The following SLC5A6 variants were observed in gnomAD, a reference collection of about 807,000 sequenced individuals.
SLC5A6 encodes the protein sodium-dependent multivitamin transporter.
A neutral mutation model predicts 67.9 loss-of-function variants in SLC5A6; 31 were observed. The observed-to-expected ratio is 0.46, with a 90% CI of 0.34 to 0.62. The LOEUF (loss-of-function observed/expected upper bound fraction) is 0.62, where lower values mean the gene tolerates loss of function less well. Among genes scored for constraint, SLC5A6 ranks in the 20% least tolerant of loss-of-function variants. The pLI, the probability that SLC5A6 is intolerant of heterozygous loss-of-function variation, is 0.01. For missense variants in SLC5A6, 673 were observed against 812.8 expected, an observed-to-expected ratio of 0.83 and a Z score of 2.09; for synonymous variants, 343 against 331.0, an observed-to-expected ratio of 1.04 and a Z score of -0.39.
In SLC5A6 at chr2:27,204,480, G is replaced by T; in HGVS notation, c.986C>A (p.Ala329Asp). 6.2e-7 allele frequency: 1 copy of T among 1,613,752 alleles called. No homozygotes were observed. Among genetic ancestry groups the T allele is most frequent in the Non-Finnish European group, 8.5e-7 (1 of 1,179,784 alleles). Residue 329 changes from alanine (A) to aspartate (D), a missense_variant, in exon 9 of 17, where the codon GCT becomes GAT. Coordinates refer to ENST00000310574, the MANE Select transcript of SLC5A6 (RefSeq NM_021095.4). ...YQEYPMSIQQ[A>D]QAAPDQFVLY... The stretch of plus-strand genomic sequence containing the variant: ...TCTCACCTGGTCTGGGGCTGCCTGA[G>T]CCTGCTGAATGCTCATGGGATACTC...
At chr2:27,211,948 G>T in intron 1 of SLC5A6, 72 bp downstream of exon 1, 1 of 477,942 alleles carries the variant, frequency 2.1e-6, no homozygotes, top group Non-Finnish European at 3.6e-6. Context: ...GAGAGCCCTG[G>T]CCGGGAGCCC....
intron 4 of SLC5A6, 29 bp from the exon 5 acceptor site, chr2:27,206,563 G>A: frequency 6.2e-7 from 1 of 1,606,742 alleles, no homozygotes; most frequent in Non-Finnish European, 8.5e-7. Context: ...ATGTGATGGG[G>A]GCCGGAGAAT....
rs1673521273 is a variant in SLC5A6, at chr2:27,200,333, G to C, written c.*103C>G. On this transcript the variant is annotated 3_prime_UTR_variant, in exon 17 of 17. Coordinates refer to ENST00000310574, the MANE Select transcript of SLC5A6 (RefSeq NM_021095.4). ...CCTTTGGTATGAGCTAGATCATCCAGGCCTGTCCCTGCAGAACACACCAAG... is the reference window on the plus strand; with the variant it reads ...CCTTTGGTATGAGCTAGATCATCCACGCCTGTCCCTGCAGAACACACCAAG... 8.4e-7 allele frequency: 1 copy of C among 1,194,688 alleles called. No individual in the cohort carries two copies. The highest frequency in any genetic ancestry group is 1.2e-6 in the Non-Finnish European group (1 of 859,522). The allele number at this position is 1,194,688 out of a possible 1,614,324, so 74.0% of individuals were successfully genotyped here.
At chr2:27,202,537 G>T (rs985371775) in intron 12 of SLC5A6, among the ~76,000 whole-genome samples, 2 of 134,354 alleles carry the variant, frequency 1.5e-5, no homozygotes, top group South Asian at 5.3e-4. Flanking sequence ...AACTCCAGAG[G>T]GCAGGAAAGG....
chr2:27,211,956 C>T, intron 1 of SLC5A6, 64 bp downstream of exon 1: 1 of 493,462 alleles, frequency 2.0e-6, no homozygotes, highest in Non-Finnish European at 3.5e-6. Context: ...TGGCCGGGAG[C>T]CCGCGGGGGC....
intron 2 of SLC5A6, chr2:27,208,408 A>T (rs983963667): frequency 6.6e-6 from 1 of 152,504 alleles, no homozygotes; most frequent in Non-Finnish European, 1.5e-5. Flanking sequence ...CAGCCCCTCT[A>T]CCTGCAACAT....
At position 27,201,763 on chromosome 2, in the gene SLC5A6, T is replaced by C; in HGVS notation, c.1447A>G (p.Met483Val). The change falls in exon 14 of 17, where the codon ATG (methionine) becomes GTG (valine). Residue 483 changes from methionine to valine, a missense_variant. Coordinates refer to ENST00000310574, the MANE Select transcript of SLC5A6 (RefSeq NM_021095.4). ...GACCCATTAGAGGGAGAGGGTGGCATGCTGGAGCCCATGCTGGTCACGATG... is the reference window on the plus strand; with the variant it reads ...GACCCATTAGAGGGAGAGGGTGGCACGCTGGAGCCCATGCTGGTCACGATG... ...GSIVTSMGSS[M>V]PPSPSNGSSF... The C allele has an allele frequency of 6.2e-7, 1 of 1,614,112 alleles. No homozygotes were observed. The highest frequency in any genetic ancestry group is 8.5e-7 in the Non-Finnish European group (1 of 1,179,984).
At chr2:27,205,924 C>T (rs1674027068) in intron 6 of SLC5A6, 102 bp downstream of exon 6, 1 of 867,900 alleles carries the variant, frequency 1.2e-6, no homozygotes, top group Non-Finnish European at 1.9e-6. Context: ...CACCTATTCT[C>T]CTCATCTATA....
Position 27,207,090 on chromosome 2 carries a change from T to C in SLC5A6, c.394-148A>G. On this transcript the variant is annotated intron_variant, in intron 3 of 16. Coordinates refer to ENST00000310574, the MANE Select transcript of SLC5A6 (RefSeq NM_021095.4). The surrounding 1 kb of genome is among the most constrained non-coding windows in gnomAD (Gnocchi z 5.5). The stretch of plus-strand genomic sequence containing the variant: ...GGCATAGCACCCTCCTCTCCAATCC[T>C]GCCCCTATACCTAACATCACTGAGA... 1.9e-6 allele frequency: 2 copies of C among 1,033,390 alleles called. No individual in the cohort carries two copies. Among genetic ancestry groups the C allele is most frequent in the Middle Eastern group, 2.1e-4 (1 of 4,806 alleles). 64.0% of individuals were successfully genotyped at this position (1,033,390 alleles called of 1,614,324 possible).
chr2:27,212,195 C>G lies in SLC5A6; in HGVS notation c.-383G>C. The G allele has an allele frequency of 6.4e-7, 1 of 1,551,532 alleles. No homozygotes were observed. ...GTCGGCCAGTATCCCCGAAAGAGGG[C>G]TAGGGCGCATGAAGACCAGCGCAGA... On this transcript the variant is annotated 5_prime_UTR_variant, in exon 1 of 17. Coordinates refer to ENST00000310574, the MANE Select transcript of SLC5A6 (RefSeq NM_021095.4).
intron 14 of SLC5A6, 94 bp from the exon 15 acceptor site, chr2:27,201,547 G>A: frequency 7.4e-7 from 1 of 1,357,600 alleles, no homozygotes; most frequent in African/African-American, 1.4e-5. Flanking sequence ...CCAGGGTCTT[G>A]GGACCCAATA....
At chr2:27,202,551 C>G (rs1157091231) in intron 12 of SLC5A6, among the ~76,000 whole-genome samples, 1 of 139,302 alleles carries the variant, frequency 7.2e-6, no homozygotes, top group East Asian at 2.4e-4. Flanking sequence ...GGAAAGGCTG[C>G]TAGGGGGCTG....
intron 6 of SLC5A6, among the ~76,000 whole-genome samples, 189 bp downstream of exon 6, chr2:27,205,837 A>C (rs1674021727): frequency 6.6e-6 from 1 of 152,150 alleles, no homozygotes; most frequent in Admixed American, 6.5e-5. Flanking sequence ...TGTTGACATC[A>C]TTCCCATCCC....
chr2:27,209,601 A>G (rs1674316883), intron 2 of SLC5A6, among the ~76,000 whole-genome samples: 1 of 152,222 alleles, frequency 6.6e-6, no homozygotes, highest in Middle Eastern at 3.2e-3. Flanking sequence ...CTATTCCCAG[A>G]ACCAGGACAG....
rs1673491376 is a variant in SLC5A6 at position 27,199,952 on chromosome 2, T to A, written c.*484A>T. 1 of 153,582 alleles carries A rather than the reference T, an allele frequency of 6.5e-6. No homozygotes were observed. Among genetic ancestry groups the A allele is most frequent in the African/African-American group, 2.4e-5 (1 of 41,394 alleles). 9.5% of individuals were successfully genotyped at this position (153,582 alleles called of 1,614,324 possible). ...AGAGGGGCTTGAGTGTCACAGACAA[T>A]CTGAAAGTAATAATAGGGGCTCACT... On this transcript the variant is annotated 3_prime_UTR_variant, in exon 17 of 17. Coordinates refer to ENST00000310574, the MANE Select transcript of SLC5A6 (RefSeq NM_021095.4).
intron 10 of SLC5A6, 105 bp from the exon 11 acceptor site, chr2:27,203,450 AC>A: frequency 2.1e-6 from 2 of 949,050 alleles, no homozygotes; most frequent in Non-Finnish European, 3.2e-6. Flanking sequence ...GACAGGTACC[AC>A]CAAGAAACCT....
intron 9 of SLC5A6, 91 bp from the exon 10 acceptor site, chr2:27,203,958 GCGAGTCTAC>G: frequency 2.2e-6 from 2 of 920,268 alleles, no homozygotes; most frequent in Non-Finnish European, 3.5e-6. Context: ...ATGTGCCCCA[GCGAGTCTAC>G]CGAGACTGGG....
chr2:27,205,291 T>C (rs1673974372), intron 7 of SLC5A6, 59 bp downstream of exon 7: 3 of 1,546,660 alleles, frequency 1.9e-6, no homozygotes, highest in Admixed American at 3.8e-5. Flanking sequence ...GACCAGCCTC[T>C]AGGATGGGCT....
chr2:27,201,571 T>C, intron 14 of SLC5A6, 95 bp downstream of exon 14: 2 of 1,392,612 alleles, frequency 1.4e-6, no homozygotes, highest in Non-Finnish European at 2.0e-6. Flanking sequence ...AACATTTCCC[T>C]GGGGCCTCTG....
Sources: gnomAD v4.1 joint callset for allele counts (sites outside exome capture counted in the v4.1 genomes callset) on GRCh38, gnomAD v4.1.1 for gene constraint, Gnocchi (gnomAD v3.1) non-coding constraint, MANE v1.5 for transcripts, NCBI Gene and HGNC (gene_info 2026-07-23, HGNC 2026-07-21) for gene names.